CPE: variants seen among roughly 807,000 people sequenced by gnomAD.
CPE encodes the protein carboxypeptidase E.
In CPE, 17 loss-of-function variants were observed where a neutral mutation model predicts 53.5. The ratio of observed to expected loss-of-function variants is 0.32; its 90% CI spans 0.22 to 0.48. The LOEUF is 0.48. Ranked by LOEUF, CPE falls within the 20% of genes least tolerant of loss-of-function variation. The pLI is 0.99. For missense variants in CPE, 524 were observed against 614.7 expected (o/e 0.85, Z 1.56); for synonymous variants, 226 against 228.8 (o/e 0.99, Z 0.11).
At chr4:165,448,615 A>C (rs1731756246) in intron 1 of CPE, among the ~76,000 whole-genome samples, 2 of 152,200 alleles carry the variant, frequency 1.3e-5, no homozygotes, top group South Asian at 4.2e-4. Context: ...GGTCCTGGGG[A>C]GAACTAATAA....
At chr4:165,404,152 C>T in intron 1 of CPE, 1 of 765,954 alleles carries the variant, frequency 1.3e-6, no homozygotes, top group Non-Finnish European at 2.4e-6. Context: ...CAGCCTCATA[C>T]TTCTTGAGCC....
At chr4:165,417,791 G>C (rs67924494) in intron 1 of CPE, among the ~76,000 whole-genome samples, 1 of 73,592 alleles carries the variant, frequency 1.4e-5, no homozygotes, top group Non-Finnish European at 3.1e-5. Flanking sequence ...AAAAAAAAAA[G>C]ACATTAAATC....
chr4:165,451,942 C>G (rs115371486), intron 1 of CPE, among the ~76,000 whole-genome samples: 1 of 145,218 alleles, frequency 6.9e-6, no homozygotes. Context: ...TTTTTTTTTT[C>G]GTTTTTTTTA....
At chr4:165,455,001 G>C (rs1041060962) in intron 1 of CPE, among the ~76,000 whole-genome samples, 3 of 152,208 alleles carry the variant, frequency 2.0e-5, no homozygotes, top group African/African-American at 7.2e-5. Context: ...TTTGTCTGGA[G>C]TTTTGCAGAA....
At chr4:165,425,337 T>TA in intron 1 of CPE, among the ~76,000 whole-genome samples, 1 of 138,374 alleles carries the variant, frequency 7.2e-6, no homozygotes, top group African/African-American at 2.6e-5. Context: ...TTTATCTTGT[T>TA]AAAAAAAATT....
chr4:165,415,202 G>A (rs1731102484), intron 1 of CPE: 1 of 167,012 alleles, frequency 6.0e-6, no homozygotes, highest in South Asian at 2.1e-4. Flanking sequence ...GGATTCCATG[G>A]CAGTGAGTTA....
At chr4:165,476,584 A>G (rs1433901658) in intron 3 of CPE, among the ~76,000 whole-genome samples, 1 of 151,956 alleles carries the variant, frequency 6.6e-6, no homozygotes, top group Non-Finnish European at 1.5e-5. Context: ...TTTTTAATCT[A>G]TTGGGAGACT....
chr4:165,444,636 T>C lies in CPE; in HGVS notation c.308-19754T>C, dbSNP rs73860761. On this transcript the variant is annotated intron_variant, in intron 1 of 8. Transcript: ENST00000402744. ...CTGCCCCAGCTTCTGCCGTTCTTCA[T>C]ATGCTTGTCAACTGCACTGTCTCCA... Among the ~76,000 whole-genome samples the C allele has an allele frequency of 9.0e-3, 1,368 of 152,302 alleles. 11 individuals are homozygous for C. Among genetic ancestry groups the C allele is most frequent in the African/African-American group, 0.019 (781 of 41,562 alleles).
rs1285639167 is a variant in CPE at position 165,498,213 on chromosome 4, T to C, written c.*603T>C. Reference sequence around the variant, plus strand: ...GCTTGTACATATAGGAGCAATACTATTATATTATGTAGTCCGTTAACACTA... The same window carrying C: ...GCTTGTACATATAGGAGCAATACTACTATATTATGTAGTCCGTTAACACTA... On this transcript the variant is annotated 3_prime_UTR_variant, in exon 9 of 9. Coordinates refer to ENST00000402744, the MANE Select transcript of CPE (RefSeq NM_001873.4). 1.3e-5 allele frequency: 2 copies of C among 152,194 alleles called. No individual in the cohort carries two copies. Among genetic ancestry groups the C allele is most frequent in the Non-Finnish European group, 2.9e-5 (2 of 68,038 alleles). The allele number at this position is 152,194 out of a possible 1,614,324, so 9.4% of individuals were successfully genotyped here.
At chr4:165,450,993 A>T (rs1282069972) in intron 1 of CPE, among the ~76,000 whole-genome samples, 1 of 152,190 alleles carries the variant, frequency 6.6e-6, no homozygotes. Context: ...TTCTCCACTC[A>T]AAGAGTGGTT....
chr4:165,384,400 A>G (rs1579236730), intron 1 of CPE, among the ~76,000 whole-genome samples: 1 of 152,100 alleles, frequency 6.6e-6, no homozygotes, highest in African/African-American at 2.4e-5. Context: ...AGGCAGGAGG[A>G]GTGCTTAAGG....
intron 1 of CPE, among the ~76,000 whole-genome samples, chr4:165,426,319 T>C (rs1731317163): frequency 6.6e-6 from 1 of 152,248 alleles, no homozygotes; most frequent in Non-Finnish European, 1.5e-5. Context: ...TATATAATGA[T>C]TTATTCTGTT....
At chr4:165,452,426 T>C (rs182743498) in intron 1 of CPE, among the ~76,000 whole-genome samples, 15 of 152,286 alleles carry the variant, frequency 9.8e-5, no homozygotes, top group Admixed American at 9.8e-4. Context: ...TATGTACAAC[T>C]ATGATATACC....
chr4:165,460,182 C>T (rs865856700), intron 1 of CPE, among the ~76,000 whole-genome samples: 8 of 151,664 alleles, frequency 5.3e-5, no homozygotes, highest in South Asian at 2.1e-4. Flanking sequence ...CATCCATTTA[C>T]GCAGAAGAGA....
In CPE at chr4:165,379,263, G is replaced by C; in HGVS notation, c.42G>C (p.Gly14=). ...GCAGCGCGCTGCTGGCTCTGTGCGGGGCACTGGCTGCCTGCGGGTGGCTCC... is the reference window on the plus strand; with the variant it reads ...GCAGCGCGCTGCTGGCTCTGTGCGGCGCACTGGCTGCCTGCGGGTGGCTCC... The part of the protein sequence containing the change: ...RGGSALLALC[G]ALAACGWLLG... Residue 14 remains glycine, a synonymous_variant, in exon 1 of 9, where the codon GGG becomes GGC. Coordinates refer to ENST00000402744, the MANE Select transcript of CPE (RefSeq NM_001873.4). This position sits in a 1 kb window ranked among gnomAD's most constrained non-coding sequence, Gnocchi z 6.0. 1.4e-6 allele frequency: 2 copies of C among 1,443,078 alleles called. No homozygotes were observed. Among genetic ancestry groups the C allele is most frequent in the South Asian group, 2.9e-5 (2 of 68,866 alleles). The allele number at this position is 1,443,078 out of a possible 1,614,324, so 89.4% of individuals were successfully genotyped here.
chr4:165,422,031 A>G (rs1011141221), intron 1 of CPE, among the ~76,000 whole-genome samples: 5 of 152,228 alleles, frequency 3.3e-5, no homozygotes, highest in African/African-American at 1.2e-4. Flanking sequence ...GATTCAAAGT[A>G]CATATTAACA....
intron 1 of CPE, among the ~76,000 whole-genome samples, chr4:165,425,354 T>C (rs542098924): frequency 6.6e-5 from 10 of 152,310 alleles, no homozygotes; most frequent in Admixed American, 5.9e-4. Flanking sequence ...AATTACTATT[T>C]CTTCTTCACT....
intron 1 of CPE, among the ~76,000 whole-genome samples, chr4:165,411,512 T>C (rs1027930290): frequency 2.6e-5 from 4 of 152,174 alleles, no homozygotes; most frequent in African/African-American, 9.6e-5. Context: ...TGGCCAGGAA[T>C]AGCCTTTATC....
chr4:165,447,321 A>G (rs1398080017), intron 1 of CPE, among the ~76,000 whole-genome samples: 1 of 152,240 alleles, frequency 6.6e-6, no homozygotes, highest in Admixed American at 6.5e-5. Context: ...CTGTAATCCC[A>G]GCACTTTGGG....
Sources: gnomAD v4.1 joint callset for allele counts (sites outside exome capture counted in the v4.1 genomes callset) on GRCh38, gnomAD v4.1.1 for gene constraint, Gnocchi (gnomAD v3.1) non-coding constraint, MANE v1.5 for transcripts, NCBI Gene and HGNC (gene_info 2026-07-23, HGNC 2026-07-21) for gene names.